Variants in SEC24D observed in about 807,000 individuals in gnomAD.
The protein encoded by SEC24D is SEC24 homolog D, COPII component, also known as protein transport protein Sec24D.
A neutral mutation model predicts 116.9 loss-of-function variants in SEC24D; 69 were observed. That is an observed-to-expected ratio of 0.59 (90% confidence interval 0.49 to 0.72). SEC24D has a LOEUF of 0.72. Among genes scored for constraint, SEC24D ranks in the 30% least tolerant of loss-of-function variants. The pLI, the probability that SEC24D is intolerant of heterozygous loss-of-function variation, is 0.00. For synonymous variants in SEC24D, 405 were observed against 442.8 expected, an observed-to-expected ratio of 0.91 and a Z score of 1.07; for missense variants, 1,131 against 1,264.1, an observed-to-expected ratio of 0.89 and a Z score of 1.60.
chr4:118,823,240 C>A (rs182520892), intron 3 of SEC24D, among the ~76,000 whole-genome samples: 19 of 152,318 alleles, frequency 1.2e-4, no homozygotes, highest in African/African-American at 4.6e-4. Flanking sequence ...ACCACAATCA[C>A]GCTTAATGAC....
chr4:118,796,421 T>A (rs1316922818), intron 8 of SEC24D, among the ~76,000 whole-genome samples: 1 of 152,154 alleles, frequency 6.6e-6, no homozygotes, highest in Non-Finnish European at 1.5e-5. Context: ...TGAATGTACA[T>A]CTTGATTTGC....
rs772945797 is a variant in SEC24D at position 118,723,322 on chromosome 4, T to C, written c.*193A>G. ...GCAATCAGAAACAGATTGTTCCCTT[T>C]ATGGTACAATTGTACCTTAATTGGC... On this transcript the variant is annotated 3_prime_UTR_variant, in exon 23 of 23. Coordinates refer to ENST00000280551, the MANE Select transcript of SEC24D (RefSeq NM_014822.4). The C allele has an allele frequency of 2.0e-6, 1 of 507,674 alleles. No individual in the cohort carries two copies. Among genetic ancestry groups the C allele is most frequent in the Non-Finnish European group, 3.4e-6 (1 of 292,516 alleles). 31.4% of individuals were successfully genotyped at this position (507,674 alleles called of 1,614,324 possible).
At chr4:118,747,546 G>A (rs921826223) in intron 13 of SEC24D, among the ~76,000 whole-genome samples, 1 of 151,990 alleles carries the variant, frequency 6.6e-6, no homozygotes, top group Admixed American at 6.6e-5. Flanking sequence ...GATTACAGGT[G>A]TAAGCCACCA....
intron 2 of SEC24D, among the ~76,000 whole-genome samples, chr4:118,831,128 T>G (rs1560772698): frequency 6.6e-6 from 1 of 152,160 alleles, no homozygotes; most frequent in Non-Finnish European, 1.5e-5. Flanking sequence ...TTCAAGCGAT[T>G]CTCATGCCTT....
intron 8 of SEC24D, among the ~76,000 whole-genome samples, chr4:118,788,810 A>T (rs978092737): frequency 6.6e-6 from 1 of 151,362 alleles, no homozygotes; most frequent in Admixed American, 6.6e-5. Context: ...TCACTGTGCT[A>T]AAAAAAATTA....
At chr4:118,797,900 ATGCAT>A (rs1184677878) in intron 7 of SEC24D, 90 bp from the exon 8 acceptor site, 12 of 984,298 alleles carry the variant, frequency 1.2e-5, no homozygotes, top group Non-Finnish European at 1.7e-5. Context: ...CTTCTAGATA[ATGCAT>A]TGCATTATTT....
intron 6 of SEC24D, among the ~76,000 whole-genome samples, chr4:118,811,492 T>C (rs971362775): frequency 3.9e-5 from 6 of 152,248 alleles, no homozygotes; most frequent in African/African-American, 9.6e-5. Flanking sequence ...CTAATTAACA[T>C]TTAAACAGGC....
At chr4:118,744,691 C>T (rs1014663782) in intron 14 of SEC24D, among the ~76,000 whole-genome samples, 3 of 152,208 alleles carry the variant, frequency 2.0e-5, no homozygotes, top group Admixed American at 2.0e-4. Context: ...TCCCAAAGTG[C>T]TGGGATTACA....
intron 3 of SEC24D, among the ~76,000 whole-genome samples, chr4:118,819,487 C>T (rs1010746537): frequency 1.1e-4 from 16 of 141,908 alleles, no homozygotes; most frequent in African/African-American, 2.9e-4. Flanking sequence ...GCCAAGATCG[C>T]GCCACTGCAC....
chr4:118,788,144 A>G (rs1397632821), intron 8 of SEC24D, among the ~76,000 whole-genome samples: 1 of 152,222 alleles, frequency 6.6e-6, no homozygotes, highest in African/African-American at 2.4e-5. Context: ...AATGAATAAT[A>G]TAATACACTC....
At chr4:118,727,686 T>C (rs1051215190) in intron 22 of SEC24D, among the ~76,000 whole-genome samples, 1 of 151,958 alleles carries the variant, frequency 6.6e-6, no homozygotes, top group African/African-American at 2.4e-5. Flanking sequence ...TGTGTTTAGT[T>C]TGAGCCTTGT....
chr4:118,732,922 A>G lies in SEC24D; in HGVS notation c.2497-10T>C. On this transcript the variant is annotated splice_polypyrimidine_tract_variant and intron_variant, in intron 19 of 22. Transcript: ENST00000280551. ...AATCTGGTAGAATAAGCTGAAAAAG[A>G]CAATTTTTTGTTTCATACGCTTGAT... 5.6e-6 allele frequency: 9 copies of G among 1,611,566 alleles called. No homozygotes were observed. Among genetic ancestry groups the G allele is most frequent in the Non-Finnish European group, 7.6e-6 (9 of 1,178,114 alleles).
chr4:118,805,378 A>C (rs1729632270), intron 7 of SEC24D, among the ~76,000 whole-genome samples: 1 of 152,194 alleles, frequency 6.6e-6, no homozygotes, highest in South Asian at 2.1e-4. Context: ...AACAGCAGAG[A>C]TGCAGCTCAG....
intron 1 of SEC24D, among the ~76,000 whole-genome samples, chr4:118,834,157 T>C (rs550553386): frequency 6.6e-6 from 1 of 152,374 alleles, no homozygotes; most frequent in African/African-American, 2.4e-5. Context: ...TCAGATGTTT[T>C]ATGACTTACG....
At chr4:118,833,201 T>C (rs115838006) in intron 2 of SEC24D, 6,985 of 158,470 alleles carry the variant, frequency 0.044, 211 homozygotes, top group Non-Finnish European at 0.064. Context: ...CCTCACATGA[T>C]GTACAGATTT....
chr4:118,829,877 G>A (rs1730767680), intron 2 of SEC24D, among the ~76,000 whole-genome samples: 3 of 152,120 alleles, frequency 2.0e-5, no homozygotes, highest in African/African-American at 7.2e-5. Context: ...AGCATAAATG[G>A]AGATACGATA....
intron 7 of SEC24D, among the ~76,000 whole-genome samples, chr4:118,798,642 C>T (rs1474364919): frequency 1.3e-5 from 2 of 152,108 alleles, no homozygotes; most frequent in African/African-American, 4.8e-5. Context: ...AATATTACGC[C>T]TAATAAAAGT....
intron 7 of SEC24D, 116 bp downstream of exon 7, chr4:118,805,727 A>G (rs1264886782): frequency 5.2e-6 from 3 of 573,454 alleles, no homozygotes; most frequent in Admixed American, 8.0e-5. Flanking sequence ...ACTGATTATC[A>G]GCTATAATGG....
rs190913428 is a variant in SEC24D, at chr4:118,743,592, G to A, written c.1995+396C>T. ...TAGCCCAGGCTGATTTTGAACTCCC[G>A]CCCTCACGTGATCTTCCCACCTCAA... On this transcript the variant is annotated intron_variant, in intron 15 of 22. Coordinates refer to ENST00000280551, the MANE Select transcript of SEC24D (RefSeq NM_014822.4). Among the ~76,000 whole-genome samples the A allele has an allele frequency of 1.4e-4, 21 of 152,108 alleles. No individual in the cohort carries two copies. In the East Asian group the frequency reaches 1.9e-3, roughly 14 times the overall value.
Sources: gnomAD v4.1 joint callset for allele counts (sites outside exome capture counted in the v4.1 genomes callset) on GRCh38, gnomAD v4.1.1 for gene constraint, MANE v1.5 for transcripts, NCBI Gene and HGNC (gene_info 2026-07-23, HGNC 2026-07-21) for gene names.